Variants in RB1 observed in about 807,000 individuals in gnomAD.
The protein encoded by RB1 is retinoblastoma-associated protein.
Under a neutral mutation model 135.4 loss-of-function variants are expected in RB1, and 18 were observed. The observed-to-expected ratio is 0.13, with a 90% CI of 0.09 to 0.20. RB1 has a LOEUF of 0.20. Among genes scored for constraint, RB1 ranks in the 10% least tolerant of loss-of-function variants. RB1 has a pLI of 1.00. For missense variants in RB1, 868 were observed against 1,110.0 expected (o/e 0.78, Z 3.10); for synonymous variants, 365 against 373.2 (o/e 0.98, Z 0.25).
At chr13:48,412,010 A>G in intron 17 of RB1, 1 of 1,612,024 alleles carries the variant, frequency 6.2e-7, no homozygotes, top group Non-Finnish European at 8.5e-7. Context: ...ACCACACGCC[A>G]GTGCAAACAA....
At chr13:48,343,127 T>C (rs1952462129) in intron 3 of RB1, among the ~76,000 whole-genome samples, 1 of 152,182 alleles carries the variant, frequency 6.6e-6, no homozygotes, top group South Asian at 2.1e-4. Context: ...GAGGATATTA[T>C]AACTAAATGC....
Position 48,319,839 on chromosome 13 carries a change from G to A in RB1, c.264+12433G>A. ...TGCTCTGCTCGAAGGAGTCGTTGCT[G>A]CTCGCTCTGACCGGGAAGGCAGAAC... On this transcript the variant is annotated intron_variant, in intron 2 of 26. Transcript: ENST00000267163. The surrounding 1 kb of genome is among the most constrained non-coding windows in gnomAD (Gnocchi z 5.0). 3.1e-6 allele frequency: 1 copy of A among 324,632 alleles called. No homozygotes were observed. The highest frequency in any genetic ancestry group is 3.5e-5 in the Admixed American group (1 of 28,182). The allele number at this position is 324,632 out of a possible 1,614,324, so 20.1% of individuals were successfully genotyped here.
chr13:48,413,892 CT>C (rs1479862621), intron 17 of RB1, among the ~76,000 whole-genome samples: 2 of 152,152 alleles, frequency 1.3e-5, no homozygotes, highest in Admixed American at 1.3e-4. Flanking sequence ...AAAAATCCTA[CT>C]ACTTGGCAAA....
chr13:48,479,880 C>A, intron 26 of RB1, 118 bp from the exon 27 acceptor site: 1 of 757,344 alleles, frequency 1.3e-6, no homozygotes, highest in Non-Finnish European at 2.4e-6. Flanking sequence ...ATGAAGACCA[C>A]TGCTTTTGCA....
Position 48,433,927 on chromosome 13 carries a change from T to C in RB1, c.1696-19066T>C, listed in dbSNP as rs117275583. On this transcript the variant is annotated intron_variant, in intron 17 of 26. Coordinates refer to ENST00000267163, the MANE Select transcript of RB1 (RefSeq NM_000321.3). ...TTTTTTCAGATAGGGTCTTGCTATG[T>C]TGCCCAGGCTGGTCTTGAACTCCTG... is the stretch of plus-strand genomic sequence containing the variant. Among the ~76,000 whole-genome samples, 384 of 151,984 alleles carry C rather than the reference T, an allele frequency of 2.5e-3. 13 individuals carry two copies. In the East Asian group the frequency reaches 0.066, roughly 26 times the overall value.
rs188760378 is a variant in RB1 at position 48,340,510 on chromosome 13, G to A, written c.265-2089G>A. Among the ~76,000 whole-genome samples, 443 of 150,856 alleles carry A rather than the reference G, an allele frequency of 2.9e-3. 2 individuals are homozygous for A. The highest frequency in any genetic ancestry group is 0.01 in the African/African-American group (422 of 41,234). ...ACTAAATGTTCTAATAAAATTCGCT[G>A]TTTTAAAAAAATGAATAAACAACAT... On this transcript the variant is annotated intron_variant, in intron 2 of 26. Coordinates refer to ENST00000267163, the MANE Select transcript of RB1 (RefSeq NM_000321.3).
intron 17 of RB1, chr13:48,413,005 A>G (rs1489908887): frequency 1.2e-5 from 2 of 168,424 alleles, no homozygotes; most frequent in African/African-American, 4.8e-5. Flanking sequence ...ATTGTGGGTA[A>G]GCAGAAGAGT....
intron 2 of RB1, chr13:48,317,089 CCTT>C (rs1405128272): frequency 3.6e-5 from 32 of 889,446 alleles, no homozygotes; most frequent in Non-Finnish European, 4.6e-5. Flanking sequence ...GGCCCGCCGT[CCTT>C]CTTCGCCAGC....
chr13:48,388,372 G>C (rs1405995636), intron 17 of RB1, among the ~76,000 whole-genome samples: 1 of 152,146 alleles, frequency 6.6e-6, no homozygotes, highest in Non-Finnish European at 1.5e-5. Flanking sequence ...CATTTCAATA[G>C]AGGTGTCAAG....
chr13:48,409,540 C>G (rs976694686), intron 17 of RB1, among the ~76,000 whole-genome samples: 1 of 98,118 alleles, frequency 1.0e-5, no homozygotes, highest in Non-Finnish European at 2.1e-5. Flanking sequence ...AGAAGGCATT[C>G]TTTTTTAGTT....
chr13:48,460,482 T>C (rs576929973), intron 20 of RB1, among the ~76,000 whole-genome samples: 1 of 152,296 alleles, frequency 6.6e-6, no homozygotes, highest in Non-Finnish European at 1.5e-5. Context: ...AAGAACCTTC[T>C]TATCACTGGC....
chr13:48,406,025 T>C (rs186779100), intron 17 of RB1, among the ~76,000 whole-genome samples: 20 of 152,170 alleles, frequency 1.3e-4, no homozygotes, highest in Non-Finnish European at 2.5e-4. Flanking sequence ...TCTGTTCAAC[T>C]AGTTTTCTAT....
In RB1 at chr13:48,312,611, C is replaced by T. The variant is rs73191746; in HGVS notation, c.264+5205C>T. Among the ~76,000 whole-genome samples the T allele has an allele frequency of 9.8e-3, 1,494 of 152,296 alleles. 14 individuals carry two copies. The highest frequency in any genetic ancestry group is 0.012 in the Non-Finnish European group (846 of 68,018). Reference sequence around the variant, plus strand: ...TAGGACTAATTAAAACTATACCAGACTCCTTCTATTTTAAACCTATCCGTT... The same window carrying T: ...TAGGACTAATTAAAACTATACCAGATTCCTTCTATTTTAAACCTATCCGTT... On this transcript the variant is annotated intron_variant, in intron 2 of 26. Coordinates refer to ENST00000267163, the MANE Select transcript of RB1 (RefSeq NM_000321.3).
intron 17 of RB1, among the ~76,000 whole-genome samples, chr13:48,436,418 G>A (rs138289685): frequency 8.3e-4 from 127 of 152,198 alleles, no homozygotes; most frequent in African/African-American, 2.6e-3. Flanking sequence ...CAAGGCAGGC[G>A]GATCACCTGC....
At chr13:48,428,835 A>G (rs764043108) in intron 17 of RB1, among the ~76,000 whole-genome samples, 33 of 152,250 alleles carry the variant, frequency 2.2e-4, no homozygotes, top group South Asian at 6.2e-4. Context: ...TTTTCTGTGA[A>G]TAGTAAATTT....
chr13:48,392,226 T>C (rs556975957), intron 17 of RB1, among the ~76,000 whole-genome samples: 2 of 152,270 alleles, frequency 1.3e-5, no homozygotes, highest in South Asian at 4.2e-4. Flanking sequence ...TTCTTCTGCC[T>C]CAGCCTCCTG....
intron 11 of RB1, among the ~76,000 whole-genome samples, chr13:48,371,722 G>T (rs1286527033): frequency 6.6e-6 from 1 of 152,096 alleles, no homozygotes; most frequent in Non-Finnish European, 1.5e-5. Flanking sequence ...AGAGTGGGTG[G>T]CTAAGGGCTG....
At chr13:48,464,937 T>G in intron 21 of RB1, 61 bp from the exon 22 acceptor site, 1 of 1,481,234 alleles carries the variant, frequency 6.8e-7, no homozygotes, top group Admixed American at 2.5e-5. Flanking sequence ...ATTTTAAAAT[T>G]CATTTAACAA....
chr13:48,330,247 CT>C (rs1448028009), intron 2 of RB1, among the ~76,000 whole-genome samples: 1 of 151,866 alleles, frequency 6.6e-6, no homozygotes, highest in Admixed American at 6.6e-5. Flanking sequence ...GATAAGTAAC[CT>C]AACTTTACAT....
Sources: allele counts gnomAD v4.1 joint callset (sites outside exome capture counted in the v4.1 genomes callset), GRCh38; gene constraint gnomAD v4.1.1; non-coding constraint Gnocchi (gnomAD v3.1); transcripts MANE v1.5; gene names NCBI Gene and HGNC (gene_info 2026-07-23, HGNC 2026-07-21).